Variants in DAB1 observed in about 807,000 individuals in gnomAD.
DAB1 encodes DAB adaptor protein 1.
Under a neutral mutation model 64.6 loss-of-function variants are expected in DAB1, and 15 were observed. The ratio of observed to expected loss-of-function variants is 0.23; its 90% CI spans 0.16 to 0.36. DAB1 has a LOEUF of 0.36. DAB1 is among the 10% of genes least tolerant of loss of function. The pLI, the probability that DAB1 is intolerant of heterozygous loss-of-function variation, is 1.00. For synonymous variants in DAB1, 235 were observed against 251.9 expected (o/e 0.93, Z 0.64); for missense variants, 596 against 706.7 (o/e 0.84, Z 1.78).
intron 5 of DAB1, among the ~76,000 whole-genome samples, chr1:58,119,435 G>A (rs1347866362): frequency 6.6e-6 from 1 of 152,046 alleles, no homozygotes; most frequent in Non-Finnish European, 1.5e-5. Context: ...CCCAGCAGGG[G>A]GTATTATGTA....
chr1:57,415,786 A>C (rs78604210), intron 1 of DAB1, among the ~76,000 whole-genome samples: 3,462 of 152,268 alleles, frequency 0.023, 119 homozygotes, highest in African/African-American at 0.079. Context: ...TGCCATCATT[A>C]TAGGTACTGC....
intron 4 of DAB1, among the ~76,000 whole-genome samples, chr1:58,292,630 G>T (rs1234109651): frequency 6.6e-6 from 1 of 152,024 alleles, no homozygotes; most frequent in Non-Finnish European, 1.5e-5. Context: ...TCAGAGAGCA[G>T]GTGCATTTTC....
At chr1:58,473,128 G>T (rs1645379690) in intron 3 of DAB1, among the ~76,000 whole-genome samples, 1 of 152,182 alleles carries the variant, frequency 6.6e-6, no homozygotes, top group Non-Finnish European at 1.5e-5. Flanking sequence ...ACCTCCCAAT[G>T]CTTAATGCTT....
At chr1:57,993,054 A>T (rs545470410) in intron 5 of DAB1, among the ~76,000 whole-genome samples, 21 of 152,172 alleles carry the variant, frequency 1.4e-4, no homozygotes, top group Non-Finnish European at 2.9e-4. Context: ...AACTTATCCA[A>T]GGTCACATAG....
chr1:58,357,390 G>A (rs973975740), intron 3 of DAB1, among the ~76,000 whole-genome samples: 1 of 152,080 alleles, frequency 6.6e-6, no homozygotes, highest in Non-Finnish European at 1.5e-5. Flanking sequence ...GGTGGGTGGT[G>A]GTGCCGTTTC....
intron 4 of DAB1, among the ~76,000 whole-genome samples, chr1:58,316,391 A>G (rs963997795): frequency 1.3e-5 from 2 of 152,184 alleles, no homozygotes; most frequent in African/African-American, 2.4e-5. Flanking sequence ...GGTTTGATCC[A>G]AGCAAGGAAA....
At chr1:57,886,862 A>G (rs543166132), upstream of DAB1, among the ~76,000 whole-genome samples, 2 of 152,338 alleles carry the variant, frequency 1.3e-5, no homozygotes, top group African/African-American at 2.4e-5. Context: ...GAGTGCTGAT[A>G]ATACCTACTT....
chr1:57,105,557 C>T (rs1183670590), intron 4 of DAB1, among the ~76,000 whole-genome samples: 1 of 152,162 alleles, frequency 6.6e-6, no homozygotes, highest in Non-Finnish European at 1.5e-5. Flanking sequence ...CTACCGTGAG[C>T]CATTCACGAT....
rs74076269 is a variant in DAB1, at chr1:58,526,838, T to C, written n.107+423A>G. 5.9e-3 allele frequency among the ~76,000 whole-genome samples: 894 copies of C among 152,170 alleles called. 12 individuals carry two copies. Among genetic ancestry groups the C allele is most frequent in the African/African-American group, 0.021 (867 of 41,524 alleles). ...GGAGTACTGGAGTAAAATAAAGAGA[T>C]AGCATTAGCTTTCCAGAGGGACAAA... On this transcript the variant is annotated intron_variant and non_coding_transcript_variant, in intron 2 of 20. Transcript: ENST00000485760.
At chr1:57,419,931 C>T (rs1314007746) in intron 1 of DAB1, among the ~76,000 whole-genome samples, 1 of 152,230 alleles carries the variant, frequency 6.6e-6, no homozygotes, top group Admixed American at 6.5e-5. Context: ...CAGCTAGTAA[C>T]TGAGAAAAGC....
chr1:57,439,425 C>CTTTTTTT (rs71051230), intron 7 of DAB1, among the ~76,000 whole-genome samples: 2 of 98,000 alleles, frequency 2.0e-5, no homozygotes, highest in African/African-American at 4.9e-5. Context: ...GAGGTTTTTT[C>CTTTTTTT]TTTTTTTTTT....
intron 9 of DAB1, among the ~76,000 whole-genome samples, chr1:57,031,530 A>G (rs1168073932): frequency 1.3e-5 from 2 of 152,254 alleles, no homozygotes; most frequent in Non-Finnish European, 2.9e-5. Flanking sequence ...CGCCATTGTC[A>G]CTATCTATGT....
chr1:57,426,184 A>G (rs1359553272), upstream of DAB1, among the ~76,000 whole-genome samples: 1 of 152,174 alleles, frequency 6.6e-6, no homozygotes, highest in African/African-American at 2.4e-5. Context: ...CCCACCTTTC[A>G]CTTCGTTCGG....
intron 3 of DAB1, among the ~76,000 whole-genome samples, chr1:58,486,654 A>G (rs1214704338): frequency 6.6e-6 from 1 of 152,232 alleles, no homozygotes; most frequent in East Asian, 1.9e-4. Flanking sequence ...AGGTAATTTT[A>G]GTTAAGTACA....
At chr1:58,227,863 T>A (rs1184959144) in intron 4 of DAB1, among the ~76,000 whole-genome samples, 1 of 152,208 alleles carries the variant, frequency 6.6e-6, no homozygotes, top group Non-Finnish European at 1.5e-5. Context: ...AAACAGTTTC[T>A]GAGATTTATT....
At chr1:58,466,390 G>C (rs1428809987) in intron 3 of DAB1, among the ~76,000 whole-genome samples, 1 of 151,762 alleles carries the variant, frequency 6.6e-6, no homozygotes, top group Non-Finnish European at 1.5e-5. Flanking sequence ...TCCCCTAACA[G>C]ATTTCTTGCA....
intron 4 of DAB1, among the ~76,000 whole-genome samples, chr1:58,244,770 G>T (rs1660455121): frequency 6.6e-6 from 1 of 152,186 alleles, no homozygotes; most frequent in African/African-American, 2.4e-5. Context: ...TTCCAGCTGA[G>T]AATAAACTAA....
At chr1:58,544,109 G>A (rs1198877405) in intron 1 of DAB1, among the ~76,000 whole-genome samples, 1 of 152,182 alleles carries the variant, frequency 6.6e-6, no homozygotes, top group Non-Finnish European at 1.5e-5. Flanking sequence ...TGAACTTGCT[G>A]TGGCCAAATG....
intron 1 of DAB1, among the ~76,000 whole-genome samples, chr1:57,363,899 T>A (rs1413206758): frequency 6.6e-6 from 1 of 152,178 alleles, no homozygotes; most frequent in Admixed American, 6.5e-5. Flanking sequence ...CACCCCATCC[T>A]ATATTCATTC....
Sources: allele counts gnomAD v4.1 joint callset (sites outside exome capture counted in the v4.1 genomes callset), GRCh38; gene constraint gnomAD v4.1.1; transcripts MANE v1.5; gene names NCBI Gene and HGNC (gene_info 2026-07-23, HGNC 2026-07-21).